ABCA12: variants seen among roughly 807,000 people sequenced by gnomAD.
The protein encoded by ABCA12 is ATP binding cassette subfamily A member 12.
A neutral mutation model predicts 293.5 loss-of-function variants in ABCA12; 156 were observed. The observed-to-expected ratio is 0.53, with a 90% CI of 0.47 to 0.61. The LOEUF (loss-of-function observed/expected upper bound fraction) is 0.61. Among genes scored for constraint, ABCA12 ranks in the 20% least tolerant of loss-of-function variants. ABCA12 has a pLI of 0.00. For synonymous variants in ABCA12, 1,063 were observed against 1,108.0 expected (o/e 0.96, Z 0.81); for missense variants, 2,797 against 3,090.2 (o/e 0.91, Z 2.25).
chr2:214,968,944 C>T (rs756896299), intron 37 of ABCA12, 137 bp from the exon 38 acceptor site: 15 of 694,552 alleles, frequency 2.2e-5, no homozygotes, highest in Non-Finnish European at 3.5e-5. Context: ...TACTTCCTGA[C>T]AAATATTTTA....
chr2:215,049,779 T>G lies in ABCA12; in HGVS notation c.540A>C (p.Ile180=). Residue 180 remains isoleucine, a synonymous_variant, in exon 6 of 53, where the codon ATA becomes ATC. Transcript: ENST00000272895. The part of the protein sequence containing the change: ...LLKQNSTSED[I]RRELCDSYSG... ...AATAGCTGTCACATAGTTCTCTTCGTATATCTTCTGAAGTTGAATTTTGCT... is the reference window on the plus strand; with the variant it reads ...AATAGCTGTCACATAGTTCTCTTCGGATATCTTCTGAAGTTGAATTTTGCT... The G allele has an allele frequency of 6.2e-7, 1 of 1,613,426 alleles. No homozygotes were observed. Among genetic ancestry groups the G allele is most frequent in the Non-Finnish European group, 8.5e-7 (1 of 1,179,676 alleles).
chr2:215,058,201 C>T (rs542155741), intron 3 of ABCA12, among the ~76,000 whole-genome samples: 29 of 151,940 alleles, frequency 1.9e-4, no homozygotes, highest in Non-Finnish European at 2.8e-4. Context: ...ACCCCTACCC[C>T]GGGGGACATT....
At chr2:215,081,419 C>T (rs1464707675) in intron 2 of ABCA12, among the ~76,000 whole-genome samples, 2 of 133,162 alleles carry the variant, frequency 1.5e-5, no homozygotes, top group Non-Finnish European at 3.1e-5. Context: ...GGCAGAGGTA[C>T]AGTGAGCTGA....
Position 215,007,721 on chromosome 2 carries a change from T to G in ABCA12, c.2592+6A>C, listed in dbSNP as rs375214951. On this transcript the variant is annotated splice_donor_region_variant and intron_variant, in intron 19 of 52. Coordinates refer to ENST00000272895, the MANE Select transcript of ABCA12 (RefSeq NM_173076.3). ...TACTAAGTTGAATGACAGAAGCATC[T>G]CATACCTGGAGCATTGGAATTGCCT... is the stretch of plus-strand genomic sequence containing the variant. 115 of 1,613,818 alleles carry G rather than the reference T, an allele frequency of 7.1e-5. No individual in the cohort carries two copies. The highest frequency in any genetic ancestry group is 8.9e-5 in the Non-Finnish European group (105 of 1,179,926).
intron 2 of ABCA12, among the ~76,000 whole-genome samples, chr2:215,073,982 A>C (rs181288894): frequency 6.6e-6 from 1 of 152,308 alleles, no homozygotes; most frequent in African/African-American, 2.4e-5. Context: ...GACTCTGAAA[A>C]GTTTTTCAGT....
intron 2 of ABCA12, among the ~76,000 whole-genome samples, chr2:215,102,385 G>A (rs988570067): frequency 5.9e-5 from 9 of 152,288 alleles, no homozygotes; most frequent in African/African-American, 2.2e-4. Context: ...AATCACTTGA[G>A]GTCAGGAGTT....
At chr2:215,070,770 G>A (rs1001636180) in intron 2 of ABCA12, among the ~76,000 whole-genome samples, 2 of 151,788 alleles carry the variant, frequency 1.3e-5, no homozygotes, top group Non-Finnish European at 2.9e-5. Flanking sequence ...GGTTTACAAG[G>A]TCATCACAGT....
At position 214,958,872 on chromosome 2, in the gene ABCA12, AG is replaced by A; in HGVS notation, c.5939+151del. 6.8e-6 allele frequency: 6 copies of A among 884,680 alleles called. No homozygotes were observed. The South Asian group carries it at 8.4e-5, about 12-fold the overall frequency. 54.8% of individuals were successfully genotyped at this position (884,680 alleles called of 1,614,324 possible). ...TGGCAAGCCCACTCTACACCCTTGC[AG>A]AAACTTCCTTTGATCCCAGTCAGTG... On this transcript the variant is annotated intron_variant, in intron 40 of 52. Transcript: ENST00000272895.
Position 215,007,759 on chromosome 2 carries a change from G to A in ABCA12, c.2560C>T (p.His854Tyr), listed in dbSNP as rs759472663. 1.2e-6 allele frequency: 2 copies of A among 1,613,914 alleles called. No individual in the cohort carries two copies. The highest frequency in any genetic ancestry group is 2.2e-5 in the East Asian group (1 of 44,852). ...DKSPLFMNSFHLLNQAIPMLQ... is the reference protein window; with the variant it reads ...DKSPLFMNSFYLLNQAIPMLQ... ...ATTGGAATTGCCTGGTTTAACAGAT[G>A]GAAGGAATTCATGAAAAGTGGCGAC... Residue 854 changes from histidine to tyrosine, a missense_variant, in exon 19 of 53, where the codon CAT (histidine) becomes TAT (tyrosine). By Grantham distance (83) the His-to-Tyr change is moderately conservative. Around this residue, in one of 3 missense-constraint regions of ABCA12, gnomAD observed 2,130 missense variants for 2,427.0 expected, o/e 0.88. Transcript: ENST00000272895.
In ABCA12 at chr2:215,012,133, C is replaced by A. The variant is rs1020637905; in HGVS notation, c.1959G>T (p.Val653=). Residue 653 remains valine, a splice_region_variant and synonymous_variant, in exon 16 of 53, where the codon GTG becomes GTT. Coordinates refer to ENST00000272895, the MANE Select transcript of ABCA12 (RefSeq NM_173076.3). The stretch of plus-strand genomic sequence containing the variant: ...GCTTTTGATCTTTCCTCGGGAAAAA[C>A]ACCTAACAGAAACAGAATAAAAATA... ...YLNIYNFTYK[V]FFPRKDQKPV... 10 of 1,613,616 alleles carry A rather than the reference C, an allele frequency of 6.2e-6. No individual in the cohort carries two copies. Among genetic ancestry groups the A allele is most frequent in the Non-Finnish European group, 8.5e-6 (10 of 1,179,694 alleles).
At chr2:215,118,955 TTATC>T (rs1308464871) in intron 1 of ABCA12, among the ~76,000 whole-genome samples, 1 of 152,134 alleles carries the variant, frequency 6.6e-6, no homozygotes, top group Non-Finnish European at 1.5e-5. Flanking sequence ...ATTCTTTAGG[TTATC>T]TGTTTCCTCT....
At chr2:215,093,494 G>C (rs999438782) in intron 2 of ABCA12, among the ~76,000 whole-genome samples, 5 of 152,108 alleles carry the variant, frequency 3.3e-5, no homozygotes. Context: ...ACACACAGCC[G>C]AAGTGCAGGG....
rs774575248 is a variant in ABCA12, at chr2:214,975,844, A to G, written c.5322T>C (p.Tyr1774=). Residue 1774 remains tyrosine, a synonymous_variant, in exon 34 of 53, where the codon TAT becomes TAC. Transcript: ENST00000272895. ...GAGAGGGGGAGATCTGAATCTCTGG[A>G]TAACTGTTGCTGGAATTTCTCAGTG... ...LGTLRNSSNS[Y]PEIQISPSLY... 3 of 1,613,990 alleles carry G rather than the reference A, an allele frequency of 1.9e-6. No homozygotes were observed. Among genetic ancestry groups the G allele is most frequent in the African/African-American group, 1.3e-5 (1 of 74,912 alleles).
intron 1 of ABCA12, among the ~76,000 whole-genome samples, chr2:215,135,391 T>C (rs1703203557): frequency 6.6e-6 from 1 of 152,254 alleles, no homozygotes; most frequent in African/African-American, 2.4e-5. Flanking sequence ...TCTTAACTTC[T>C]TCTCTTTTGA....
At chr2:215,103,678 C>T (rs1042691447) in intron 2 of ABCA12, among the ~76,000 whole-genome samples, 3 of 152,032 alleles carry the variant, frequency 2.0e-5, no homozygotes, top group Non-Finnish European at 4.4e-5. Flanking sequence ...ATACTCTATA[C>T]AAATATAGTA....
At chr2:215,027,187 TA>T (rs903166182) in intron 9 of ABCA12, among the ~76,000 whole-genome samples, 3 of 150,756 alleles carry the variant, frequency 2.0e-5, no homozygotes, top group Non-Finnish European at 4.4e-5. Context: ...CCATTAAAAA[TA>T]AAAAAAAATT....
At position 215,011,552 on chromosome 2, in the gene ABCA12, G is replaced by C; in HGVS notation, c.2219C>G (p.Thr740Ser). The change falls in exon 17 of 53, where the codon ACT (threonine) becomes AGT (serine). Residue 740 changes from threonine (T) to serine (S), a missense_variant. By Grantham distance (58) the Thr-to-Ser change is moderately conservative. Coordinates refer to ENST00000272895, the MANE Select transcript of ABCA12 (RefSeq NM_173076.3). ...CCTCTGGGAAGAGGGCAGCATGGCA[G>C]TTAAATATTCAGTGGTAATTCCTTG... ...CSQGITTEYL[T>S]AMLPSSQRPK... 6.2e-7 allele frequency: 1 copy of C among 1,614,092 alleles called. No individual in the cohort carries two copies. The highest frequency in any genetic ancestry group is 8.5e-7 in the Non-Finnish European group (1 of 1,179,942).
rs151083083 is a variant in ABCA12 at position 214,973,963 on chromosome 2, A to G, written c.5548T>C (p.Ser1850Pro). Residue 1850 changes from serine (S) to proline (P), a missense_variant, in exon 36 of 53, where the codon TCA (serine) becomes CCA (proline). Physicochemically the swap from Ser to Pro is moderately conservative, Grantham distance 74. Coordinates refer to ENST00000272895, the MANE Select transcript of ABCA12 (RefSeq NM_173076.3). ...PITNFGVCSC[S>P]ENVQECPKFN... ...TTCCATCTTACCTGGACATTTTCTG[A>G]GCAGGAGCAAACACCAAAATTAGTG... 145 of 1,613,884 alleles carry G rather than the reference A, an allele frequency of 9.0e-5. No homozygotes were observed. The highest frequency in any genetic ancestry group is 2.2e-4 in the East Asian group (10 of 44,858).
chr2:215,062,999 A>C (rs1483489299), intron 3 of ABCA12, among the ~76,000 whole-genome samples: 1 of 152,004 alleles, frequency 6.6e-6, no homozygotes, highest in East Asian at 1.9e-4. Context: ...GAAGCCTCTC[A>C]GTCTATTAAT....
Sources: allele counts gnomAD v4.1 joint callset (sites outside exome capture counted in the v4.1 genomes callset), GRCh38; gene constraint gnomAD v4.1.1; regional missense constraint gnomAD v4.1.1; transcripts MANE v1.5; gene names NCBI Gene and HGNC (gene_info 2026-07-23, HGNC 2026-07-21).